The following ACSF3 variants were observed in gnomAD, a reference collection of about 807,000 sequenced individuals.
ACSF3 encodes acyl-CoA synthetase family member 3, also known as malonate--CoA ligase ACSF3, mitochondrial.
ACSF3 carries 78 observed loss-of-function variants against 53.2 expected under a neutral mutation model. That is an observed-to-expected ratio of 1.47 (90% CI 1.22 to 1.77). The LOEUF (loss-of-function observed/expected upper bound fraction) is 1.77, where lower values mean the gene tolerates loss of function less well. ACSF3 is among the 40% of genes most tolerant of loss of function. ACSF3 has a pLI of 0.00. For synonymous variants in ACSF3, 414 were observed against 333.1 expected (o/e 1.24, Z -2.65); for missense variants, 937 against 771.1 (o/e 1.22, Z -2.55).
rs1248181077 is a variant in ACSF3, at chr16:89,155,607, G to T, written c.*1400G>T. On this transcript the variant is annotated 3_prime_UTR_variant, in exon 11 of 11. Coordinates refer to ENST00000614302, the MANE Select transcript of ACSF3 (RefSeq NM_001243279.3). ...ACCCCGGGAACAGTCAGAGGAAGGGGTCCCGCCCTCCCGCCAGAGGCCTGG... is the reference window on the plus strand; with the variant it reads ...ACCCCGGGAACAGTCAGAGGAAGGGTTCCCGCCCTCCCGCCAGAGGCCTGG... 1 of 454,012 alleles carries T rather than the reference G, an allele frequency of 2.2e-6. No individual in the cohort carries two copies. Among genetic ancestry groups the T allele is most frequent in the African/African-American group, 2.0e-5 (1 of 50,136 alleles). 28.1% of individuals were successfully genotyped at this position (454,012 alleles called of 1,614,324 possible). A position where few individuals can be genotyped will look rare whatever the true frequency, so the allele number is the denominator to read the frequency against.
intron 10 of ACSF3, chr16:89,150,483 C>G (rs1278938022): frequency 6.1e-6 from 1 of 163,002 alleles, no homozygotes; most frequent in African/African-American, 2.4e-5. Context: ...GTCCTCAGGG[C>G]TGCCCTCTGC....
At chr16:89,098,028 C>G (rs923273782) in intron 1 of ACSF3, among the ~76,000 whole-genome samples, 12 of 152,002 alleles carry the variant, frequency 7.9e-5, no homozygotes, top group South Asian at 2.1e-4. Context: ...GAGCCGAGAT[C>G]GTGCCACTGC....
At chr16:89,117,760 A>G (rs1228247109) in intron 6 of ACSF3, among the ~76,000 whole-genome samples, 1 of 152,124 alleles carries the variant, frequency 6.6e-6, no homozygotes, top group Non-Finnish European at 1.5e-5. Flanking sequence ...CTCCTAGGCG[A>G]ACAGGAAGGA....
intron 10 of ACSF3, chr16:89,150,328 G>A (rs1049855471): frequency 7.2e-5 from 11 of 152,706 alleles, no homozygotes; most frequent in African/African-American, 2.7e-4. Flanking sequence ...CACAGCGGGA[G>A]CACTGCCACT....
At position 89,127,256 on chromosome 16, in the gene ACSF3, CTTTT is replaced by C. The variant is rs1026769178; in HGVS notation, c.1240-5874_1240-5871del. On this transcript the variant is annotated intron_variant, in intron 7 of 10. Transcript: ENST00000614302. ...AATGAGTTGGGAAGTGTTCTCTCCTCTTTTTTTTTCTGGAAGAGATTGTGTAGAA... is the reference window on the plus strand; with the variant it reads ...AATGAGTTGGGAAGTGTTCTCTCCTCTTTTTCTGGAAGAGATTGTGTAGAA... Among the ~76,000 whole-genome samples the C allele has an allele frequency of 2.0e-5, 3 of 151,074 alleles. No homozygotes were observed. In the East Asian group the frequency reaches 5.8e-4, roughly 29 times the overall value.
At position 89,124,656 on chromosome 16, in the gene ACSF3, CTG is replaced by C. The variant is rs368119282; in HGVS notation, c.1239+3746_1239+3747del. ...TGCACATACCATGTGTATGTGATAA[CTG>C]TGCACGCACTGCGTGTGTCACATAT... On this transcript the variant is annotated intron_variant, in intron 7 of 10. Coordinates refer to ENST00000614302, the MANE Select transcript of ACSF3 (RefSeq NM_001243279.3). 5.2e-3 allele frequency among the ~76,000 whole-genome samples: 786 copies of C among 151,362 alleles called. 11 individuals carry two copies. Among genetic ancestry groups the C allele is most frequent in the African/African-American group, 0.018 (739 of 41,196 alleles).
At chr16:89,100,585 G>C in intron 2 of ACSF3, 77 bp from the exon 3 acceptor site, 2 of 1,388,832 alleles carry the variant, frequency 1.4e-6, no homozygotes, top group Non-Finnish European at 2.0e-6. Context: ...GTACTGGGGA[G>C]GTGTTTTAAA....
At chr16:89,151,063 G>A in intron 10 of ACSF3, 9 of 1,288,700 alleles carry the variant, frequency 7.0e-6, no homozygotes, top group Non-Finnish European at 9.1e-6. Context: ...AGAGAAAACA[G>A]CATTCTAAAT....
At chr16:89,125,144 G>A (rs1398469278) in intron 7 of ACSF3, among the ~76,000 whole-genome samples, 2 of 152,078 alleles carry the variant, frequency 1.3e-5, no homozygotes, top group African/African-American at 4.8e-5. Flanking sequence ...AGGAGTTCAA[G>A]ACCAGCCTGA....
At position 89,145,285 on chromosome 16, in the gene ACSF3, A is replaced by C. The variant is rs1362504214; in HGVS notation, c.1385A>C (p.Lys462Thr). 1.1e-5 allele frequency: 18 copies of C among 1,614,012 alleles called. No individual in the cohort carries two copies. The highest frequency in any genetic ancestry group is 1.5e-5 in the Non-Finnish European group (18 of 1,180,032). ...WFKTGDTVVF[K>T]DGQYWIRGRT... ...TCCTCAGGGGACACCGTGGTGTTTA[A>C]GGATGGCCAGTACTGGATCCGAGGC... Residue 462 changes from lysine (K) to threonine (T), a missense_variant, in exon 9 of 11, where the codon AAG becomes ACG. Transcript: ENST00000614302.
intron 9 of ACSF3, among the ~76,000 whole-genome samples, chr16:89,145,700 G>A (rs1415556158): frequency 2.0e-5 from 3 of 152,220 alleles, no homozygotes; most frequent in Non-Finnish European, 4.4e-5. Context: ...GAGCCAAGGG[G>A]CGGGAAGGCA....
At chr16:89,109,288 G>T (rs1976401896) in intron 4 of ACSF3, among the ~76,000 whole-genome samples, 1 of 150,902 alleles carries the variant, frequency 6.6e-6, no homozygotes, top group African/African-American at 2.4e-5. Context: ...TTCCAAAATG[G>T]CTGTGTTGCT....
At chr16:89,142,438 G>A (rs1462248420) in intron 8 of ACSF3, among the ~76,000 whole-genome samples, 1 of 152,148 alleles carries the variant, frequency 6.6e-6, no homozygotes, top group Non-Finnish European at 1.5e-5. Flanking sequence ...CAGCACCAGG[G>A]CTTCGACCTC....
In ACSF3 at chr16:89,136,470, C is replaced by T. The variant is rs1874977269; in HGVS notation, c.1366+3208C>T. 29 of 1,200,508 alleles carry T rather than the reference C, an allele frequency of 2.4e-5. No individual in the cohort carries two copies. In the South Asian group the frequency reaches 4.3e-4, roughly 18 times the overall value. 74.4% of individuals were successfully genotyped at this position (1,200,508 alleles called of 1,614,324 possible). ...GCATAATGAGAGCCTGCAATCAGCTCACAGCTGCCGCTCCTGCCGGGAGAG... is the reference window on the plus strand; with the variant it reads ...GCATAATGAGAGCCTGCAATCAGCTTACAGCTGCCGCTCCTGCCGGGAGAG... On this transcript the variant is annotated intron_variant, in intron 8 of 10. Coordinates refer to ENST00000614302, the MANE Select transcript of ACSF3 (RefSeq NM_001243279.3).
chr16:89,119,489 G>A (rs952161361), intron 6 of ACSF3, among the ~76,000 whole-genome samples: 1 of 152,232 alleles, frequency 6.6e-6, no homozygotes, highest in Non-Finnish European at 1.5e-5. Flanking sequence ...CAATGTGTGT[G>A]CGGAACACCG....
chr16:89,103,227 C>A (rs936675422), intron 4 of ACSF3, among the ~76,000 whole-genome samples: 1 of 152,240 alleles, frequency 6.6e-6, no homozygotes, highest in Non-Finnish European at 1.5e-5. Context: ...TGTACAGGCC[C>A]TGCTGCCCGC....
intron 4 of ACSF3, among the ~76,000 whole-genome samples, chr16:89,104,681 G>A (rs751362250): frequency 6.6e-6 from 1 of 152,224 alleles, no homozygotes; most frequent in Non-Finnish European, 1.5e-5. Context: ...GGTGGCTGGA[G>A]GTGGAGAGAA....
intron 10 of ACSF3, 110 bp downstream of exon 10, chr16:89,146,159 C>G: frequency 1.3e-6 from 1 of 773,072 alleles, no homozygotes; most frequent in Admixed American, 2.4e-5. Flanking sequence ...GATGAGGGAT[C>G]AAGAAAGACC....
rs1207700061 is a variant in ACSF3 at position 89,112,198 on chromosome 16, A to G, written c.929A>G (p.Gln310Arg). ...LMEYYDRHFTQPHAQDFLRAV... is the reference protein window; with the variant it reads ...LMEYYDRHFTRPHAQDFLRAV... ...GAGTACTACGACAGGCATTTTACCC[A>G]GCCGCACGCCCAGGATTTCTTGCGT... The change falls in exon 5 of 11, where the codon CAG becomes CGG. Residue 310 changes from glutamine (Q) to arginine (R), a missense_variant. Transcript: ENST00000614302. The G allele has an allele frequency of 6.2e-7, 1 of 1,614,222 alleles. No homozygotes were observed. The highest frequency in any genetic ancestry group is 8.5e-7 in the Non-Finnish European group (1 of 1,180,044).
Sources: gnomAD v4.1 joint callset for allele counts (sites outside exome capture counted in the v4.1 genomes callset) on GRCh38, gnomAD v4.1.1 for gene constraint, MANE v1.5 for transcripts, NCBI Gene and HGNC (gene_info 2026-07-23, HGNC 2026-07-21) for gene names.